The following PSME3IP1 variants were observed in gnomAD, a reference collection of about 807,000 sequenced individuals.
PSME3IP1 encodes PSME3-interacting protein.
PSME3IP1 carries 13 observed loss-of-function variants against 34.1 expected under a neutral mutation model. That is an observed-to-expected ratio of 0.38 (90% CI 0.25 to 0.61). PSME3IP1 has a LOEUF of 0.61. Among genes scored for constraint, PSME3IP1 ranks in the 20% least tolerant of loss-of-function variants. The pLI is 0.60. For missense variants in PSME3IP1, 237 were observed against 301.4 expected (o/e 0.79, Z 1.58); for synonymous variants, 93 against 114.3 (o/e 0.81, Z 1.19).
At chr16:57,171,577 C>T (rs928231575) in intron 4 of PSME3IP1, among the ~76,000 whole-genome samples, 1 of 152,114 alleles carries the variant, frequency 6.6e-6, no homozygotes, top group African/African-American at 2.4e-5. Flanking sequence ...GCAGTAGATA[C>T]CAACAATTCA....
At chr16:57,179,029 A>G (rs2073450344) in intron 1 of PSME3IP1, among the ~76,000 whole-genome samples, 1 of 152,256 alleles carries the variant, frequency 6.6e-6, no homozygotes, top group South Asian at 2.1e-4. Flanking sequence ...AAAGACAAAC[A>G]GCCCAGGGAT....
At chr16:57,177,621 G>A (rs1388178250) in intron 1 of PSME3IP1, among the ~76,000 whole-genome samples, 1 of 152,148 alleles carries the variant, frequency 6.6e-6, no homozygotes, top group African/African-American at 2.4e-5. Context: ...TACAAGAAAT[G>A]TATTTCTCAT....
chr16:57,158,865 AC>A (rs1210389017), intron 6 of PSME3IP1, among the ~76,000 whole-genome samples: 1 of 152,244 alleles, frequency 6.6e-6, no homozygotes, highest in Non-Finnish European at 1.5e-5. Context: ...ACAAACCTGT[AC>A]AGCATGTTAC....
chr16:57,174,716 A>G, intron 1 of PSME3IP1: 2 of 983,110 alleles, frequency 2.0e-6, no homozygotes, highest in Non-Finnish European at 2.4e-6. Context: ...TGCACAAACC[A>G]TGAATGGAGA....
At chr16:57,182,612 ATTT>A (rs550199855) in intron 1 of PSME3IP1, among the ~76,000 whole-genome samples, 8 of 105,206 alleles carry the variant, frequency 7.6e-5, no homozygotes, top group East Asian at 2.9e-4. Flanking sequence ...GCCAACTAAG[ATTT>A]TTTTTTTTTT....
intron 1 of PSME3IP1, 40 bp from the exon 2 acceptor site, chr16:57,173,909 T>G: frequency 6.3e-7 from 1 of 1,580,856 alleles, no homozygotes; most frequent in Non-Finnish European, 8.6e-7. Context: ...TCATTTCAAG[T>G]GAGAACTGCA....
rs1597534811 is a variant in PSME3IP1 at position 57,154,372 on chromosome 16, G to A, written c.683C>T (p.Ser228Leu). The A allele has an allele frequency of 6.2e-7, 1 of 1,614,118 alleles. No individual in the cohort carries two copies. The highest frequency in any genetic ancestry group is 1.1e-5 in the South Asian group (1 of 91,080). ...YSGSSDSESS[S>L]DSEGTINATG... ...GGCATTGATGGTGCCTTCGCTGTCT[G>A]AGCTGGACTCGGAGTCGCTGCTCCC... Residue 228 changes from serine to leucine, a missense_variant, in exon 7 of 7, where the codon TCA (serine) becomes TTA (leucine). Ser to Leu is a moderately radical substitution (Grantham distance 145). Coordinates refer to ENST00000309137, the MANE Select transcript of PSME3IP1 (RefSeq NM_024946.4). This position sits in a 1 kb window ranked among gnomAD's most constrained non-coding sequence, Gnocchi z 4.0.
intron 1 of PSME3IP1, among the ~76,000 whole-genome samples, chr16:57,184,970 G>C (rs902155097): frequency 2.0e-5 from 3 of 152,200 alleles, no homozygotes; most frequent in African/African-American, 4.8e-5. Flanking sequence ...TATTTCAGAA[G>C]GGTGCCTTCC....
chr16:57,161,802 C>T (rs1207596271), intron 6 of PSME3IP1, among the ~76,000 whole-genome samples: 8 of 152,188 alleles, frequency 5.3e-5, no homozygotes, highest in East Asian at 3.9e-4. Context: ...GGAGTCACCG[C>T]GCCCGGCCAA....
intron 5 of PSME3IP1, 97 bp from the exon 6 acceptor site, chr16:57,164,162 G>C (rs970980059): frequency 2.6e-5 from 26 of 1,000,204 alleles, no homozygotes; most frequent in Middle Eastern, 6.1e-4. Context: ...TGGGTCTTAG[G>C]CAGTCTCAAG....
intron 5 of PSME3IP1, among the ~76,000 whole-genome samples, chr16:57,165,565 A>C (rs2071769568): frequency 6.6e-6 from 1 of 152,194 alleles, no homozygotes; most frequent in African/African-American, 2.4e-5. Flanking sequence ...CCAGACCTTC[A>C]CCAGGCAGCA....
At chr16:57,166,955 A>T (rs562826697) in intron 5 of PSME3IP1, 138 bp downstream of exon 5, 1 of 910,324 alleles carries the variant, frequency 1.1e-6, no homozygotes, top group South Asian at 1.6e-5. Context: ...AAATCTGGAA[A>T]GGGAGAGATA....
chr16:57,161,945 C>A (rs1406412418), intron 6 of PSME3IP1, among the ~76,000 whole-genome samples: 1 of 152,112 alleles, frequency 6.6e-6, no homozygotes, highest in Non-Finnish European at 1.5e-5. Flanking sequence ...GCTCTTGTTG[C>A]CCAGGCTGGA....
At position 57,152,781 on chromosome 16, in the gene PSME3IP1, C is replaced by T. The variant is rs1231193183; in HGVS notation, c.*1509G>A. On this transcript the variant is annotated 3_prime_UTR_variant, in exon 7 of 7. Transcript: ENST00000309137. ...AGCTGATGCGCCCATACTGGCAGAA[C>T]AATTAGCACAGAGTAGTTCTGAAAA... 1 of 152,664 alleles carries T rather than the reference C, an allele frequency of 6.6e-6. No homozygotes were observed. The highest frequency in any genetic ancestry group is 1.5e-5 in the Non-Finnish European group (1 of 68,046). The allele number at this position is 152,664 out of a possible 1,614,324, so 9.5% of individuals were successfully genotyped here.
intron 4 of PSME3IP1, among the ~76,000 whole-genome samples, chr16:57,168,271 A>T (rs1252785481): frequency 6.6e-6 from 1 of 152,196 alleles, no homozygotes; most frequent in East Asian, 1.9e-4. Flanking sequence ...AAGGTTATTT[A>T]TCTACGTGTC....
chr16:57,185,512 CCTG>C, intron 1 of PSME3IP1: 1 of 985,448 alleles, frequency 1.0e-6, no homozygotes, highest in Non-Finnish European at 1.2e-6. Flanking sequence ...TGGAACGGAG[CCTG>C]CTACTCACTT....
At position 57,173,876 on chromosome 16, in the gene PSME3IP1, A is replaced by G. The variant is rs765845430; in HGVS notation, c.-15-7T>C. Reference sequence around the variant, plus strand: ...CCATAATGAAACAACCAATCTACAAAACAAAAACAAAAACAAAAAAAATCA... The same window carrying G: ...CCATAATGAAACAACCAATCTACAAGACAAAAACAAAAACAAAAAAAATCA... On this transcript the variant is annotated splice_region_variant and splice_polypyrimidine_tract_variant and intron_variant, in intron 1 of 6. Coordinates refer to ENST00000309137, the MANE Select transcript of PSME3IP1 (RefSeq NM_024946.4). 1 of 1,596,686 alleles carries G rather than the reference A, an allele frequency of 6.3e-7. No homozygotes were observed. The highest frequency in any genetic ancestry group is 1.8e-5 in the Admixed American group (1 of 56,448).
intron 1 of PSME3IP1, among the ~76,000 whole-genome samples, chr16:57,185,273 G>A (rs2074067784): frequency 1.3e-5 from 2 of 152,280 alleles, no homozygotes; most frequent in South Asian, 4.1e-4. Flanking sequence ...ACAGTCACAA[G>A]GACCACCAAC....
intron 2 of PSME3IP1, among the ~76,000 whole-genome samples, chr16:57,173,359 G>T (rs1365705832): frequency 2.0e-5 from 3 of 152,190 alleles, no homozygotes; most frequent in Non-Finnish European, 4.4e-5. Flanking sequence ...GCCAGGCATG[G>T]TGGCTCACAC....
Sources: allele counts gnomAD v4.1 joint callset (sites outside exome capture counted in the v4.1 genomes callset), GRCh38; gene constraint gnomAD v4.1.1; non-coding constraint Gnocchi (gnomAD v3.1); transcripts MANE v1.5; gene names NCBI Gene and HGNC (gene_info 2026-07-23, HGNC 2026-07-21).